DNAH6: variants seen among roughly 807,000 people sequenced by gnomAD.
The protein encoded by DNAH6 is dynein axonemal heavy chain 6.
In DNAH6, 340 loss-of-function variants were observed where a neutral mutation model predicts 491.4. The ratio of observed to expected loss-of-function variants is 0.69; its 90% CI spans 0.63 to 0.76. The LOEUF (loss-of-function observed/expected upper bound fraction) is 0.76, where lower values mean the gene tolerates loss of function less well. DNAH6 is among the 30% of genes least tolerant of loss of function. The pLI is 0.00. For synonymous variants in DNAH6, 1,603 were observed against 1,686.1 expected, an observed-to-expected ratio of 0.95 and a Z score of 1.21; for missense variants, 4,443 against 4,972.2, an observed-to-expected ratio of 0.89 and a Z score of 3.20.
chr2:84,678,118 T>G (rs1477149782), intron 41 of DNAH6, among the ~76,000 whole-genome samples: 1 of 152,212 alleles, frequency 6.6e-6, no homozygotes, highest in East Asian at 1.9e-4. Flanking sequence ...TTTCTGTTTG[T>G]ATTGAAATAG....
Position 84,814,002 on chromosome 2 carries a change from T to C in DNAH6, c.12030T>C (p.Asn4010=). ...GTLQNHARKY[N]LPIDELSFKY... ...TTCAAAATCATGCTCGAAAATACAA[T>C]TTGCCTATAGATGAGCTGAGTTTCA... The change falls in exon 75 of 77, where the codon AAT becomes AAC. Residue 4010 remains asparagine (N), a synonymous_variant. Coordinates refer to ENST00000389394, the MANE Select transcript of DNAH6 (RefSeq NM_001370.2). 6.4e-7 allele frequency: 1 copy of C among 1,551,706 alleles called. No homozygotes were observed.
At chr2:84,498,502 T>A in the DNAH6 span, among the ~76,000 whole-genome samples, 1 of 149,834 alleles carries the variant, frequency 6.7e-6, no homozygotes, top group African/African-American at 2.4e-5. Context: ...CCTGCTCAAG[T>A]AAAAAAAAAA....
chr2:84,621,440 T>C lies in DNAH6; in HGVS notation c.3960T>C (p.Val1320=), dbSNP rs577123046. 5.3e-5 allele frequency: 82 copies of C among 1,541,050 alleles called. No homozygotes were observed. In the Middle Eastern group the frequency reaches 8.5e-4, roughly 16 times the overall value. ...TTAAGAAACATGTTTTCTTGCAGGTTATCCTGACTGTTTCTCAAATTATGT... is the reference window on the plus strand; with the variant it reads ...TTAAGAAACATGTTTTCTTGCAGGTCATCCTGACTGTTTCTCAAATTATGT... ...DWVVAGHPSQ[V]ILTVSQIMWC... is the part of the protein sequence containing the mutation. Residue 1320 remains valine, a splice_region_variant and synonymous_variant, in exon 26 of 77, where the codon GTT becomes GTC. Transcript: ENST00000389394.
At position 84,772,650 on chromosome 2, in the gene DNAH6, T is replaced by G. The variant is rs560991131; in HGVS notation, c.10704-8843T>G. Among the ~76,000 whole-genome samples, 4 of 152,112 alleles carry G rather than the reference T, an allele frequency of 2.6e-5. No individual in the cohort carries two copies. In the South Asian group the frequency reaches 8.3e-4, roughly 32 times the overall value. On this transcript the variant is annotated intron_variant, in intron 64 of 76. Transcript: ENST00000389394. ...CAACCAAGTCCCAAAATATATAAAT[T>G]AAAAACTGACAGAATTGAAGGCAGA...
intron 69 of DNAH6, among the ~76,000 whole-genome samples, chr2:84,797,057 A>T (rs1407025264): frequency 1.4e-5 from 2 of 139,786 alleles, no homozygotes; most frequent in Non-Finnish European, 3.0e-5. Context: ...CATCAGTCAG[A>T]GCTGGATTCA....
Position 84,624,970 on chromosome 2 carries a change from T to C in DNAH6, c.4422T>C (p.Ala1474=), listed in dbSNP as rs1687724546. 1.3e-6 allele frequency: 2 copies of C among 1,551,724 alleles called. No individual in the cohort carries two copies. The highest frequency in any genetic ancestry group is 1.7e-6 in the Non-Finnish European group (2 of 1,146,944). Residue 1474 remains alanine (A), a synonymous_variant, in exon 29 of 77, where the codon GCT becomes GCC. Transcript: ENST00000389394. ...TTGGGGGTGCACCAGCTGGTCCTGC[T>C]GGCACTGGGAAAACAGAGACTACCA... ...LDLGGAPAGP[A]GTGKTETTKD...
At chr2:84,550,704 G>A (rs1351932237) in intron 9 of DNAH6, among the ~76,000 whole-genome samples, 1 of 152,058 alleles carries the variant, frequency 6.6e-6, no homozygotes, top group Non-Finnish European at 1.5e-5. Context: ...GCTGGATGTC[G>A]AATATATAGT....
At chr2:84,632,241 G>C (rs1688475770) in intron 29 of DNAH6, among the ~76,000 whole-genome samples, 1 of 152,182 alleles carries the variant, frequency 6.6e-6, no homozygotes, top group South Asian at 2.1e-4. Context: ...ATGCACCACA[G>C]TAAGATCTGG....
chr2:84,722,514 C>A, intron 59 of DNAH6, 111 bp from the exon 60 acceptor site: 1 of 906,442 alleles, frequency 1.1e-6, no homozygotes, highest in South Asian at 1.9e-5. Flanking sequence ...ATTATAATCA[C>A]CAACTCATTC....
At position 84,653,810 on chromosome 2, in the gene DNAH6, A is replaced by C; in HGVS notation, c.5570A>C (p.Lys1857Thr). Residue 1857 changes from lysine to threonine, a missense_variant, in exon 34 of 77, where the codon AAG becomes ACG. Physicochemically the swap from Lys to Thr is moderately conservative, Grantham distance 78 (BLOSUM62 -1). Around this residue, in one of 3 missense-constraint regions of DNAH6, gnomAD observed 2,977 missense variants for 3,296.6 expected, o/e 0.90. Coordinates refer to ENST00000389394, the MANE Select transcript of DNAH6 (RefSeq NM_001370.2). ...ATGAATACAGTGCTGGATGATAACA[A>C]GATGCTTTGCCTGGCTAACAGTGAG... ...ENMNTVLDDN[K>T]MLCLANSERI... 1 of 1,551,522 alleles carries C rather than the reference A, an allele frequency of 6.4e-7. No homozygotes were observed. Among genetic ancestry groups the C allele is most frequent in the Non-Finnish European group, 8.7e-7 (1 of 1,146,702 alleles).
At chr2:84,742,004 T>G (rs1420730928) in intron 62 of DNAH6, among the ~76,000 whole-genome samples, 1 of 152,206 alleles carries the variant, frequency 6.6e-6, no homozygotes, top group African/African-American at 2.4e-5. Context: ...CAAGCTAACT[T>G]GAACCCTCTC....
chr2:84,625,447 T>A (rs1304611512), intron 29 of DNAH6, among the ~76,000 whole-genome samples: 1 of 151,896 alleles, frequency 6.6e-6, no homozygotes, highest in Non-Finnish European at 1.5e-5. Context: ...ATGTGGGAGG[T>A]GAGAATTCAT....
intron 46 of DNAH6, 123 bp from the exon 47 acceptor site, chr2:84,697,452 A>T: frequency 9.1e-7 from 1 of 1,100,444 alleles, no homozygotes; most frequent in South Asian, 1.8e-5. Context: ...GTTCCATGAA[A>T]TTTTTAAGAT....
intron 30 of DNAH6, among the ~76,000 whole-genome samples, chr2:84,636,438 G>A: frequency 6.6e-6 from 1 of 152,158 alleles, no homozygotes; most frequent in East Asian, 1.9e-4. Flanking sequence ...ACTGTAGTAT[G>A]TGTTGCACTG....
chr2:84,785,515 ATC>A, intron 66 of DNAH6, 93 bp from the exon 67 acceptor site: 1 of 1,259,838 alleles, frequency 7.9e-7, no homozygotes, highest in Non-Finnish European at 1.1e-6. Flanking sequence ...AGCAATCTAC[ATC>A]ATTTCAATGG....
In DNAH6 at chr2:84,781,503, A is replaced by G. The variant is rs774453278; in HGVS notation, c.10714A>G (p.Ile3572Val). 1.9e-5 allele frequency: 30 copies of G among 1,549,578 alleles called. No individual in the cohort carries two copies. The highest frequency in any genetic ancestry group is 8.2e-5 in the African/African-American group (6 of 73,006). Residue 3572 changes from isoleucine to valine, a missense_variant, in exon 65 of 77, where the codon ATT becomes GTT. Transcript: ENST00000389394. ...TGCTGTTCAATTCAGGGTGCAGTCA[A>G]TTTCACTGGGGCAAGGACAAGGACC... ...ESGYSERVQS[I>V]SLGQGQGPIA... is the part of the protein sequence containing the mutation.
intron 62 of DNAH6, among the ~76,000 whole-genome samples, chr2:84,739,598 CA>C (rs1175393748): frequency 6.6e-6 from 1 of 152,144 alleles, no homozygotes; most frequent in Non-Finnish European, 1.5e-5. Flanking sequence ...GATTGGTCTT[CA>C]AGTTCTGAAA....
Position 84,611,864 on chromosome 2 carries a change from A to G in DNAH6, c.3475+10A>G. On this transcript the variant is annotated intron_variant, in intron 22 of 76. Transcript: ENST00000389394. ...GCCGCTACTCAGCCAGGTATGAAACAAAATTCCAAACAAGCAAAAAGACTA... is the reference window on the plus strand; with the variant it reads ...GCCGCTACTCAGCCAGGTATGAAACGAAATTCCAAACAAGCAAAAAGACTA... 6.5e-7 allele frequency: 1 copy of G among 1,548,122 alleles called. No individual in the cohort carries two copies. The highest frequency in any genetic ancestry group is 8.7e-7 in the Non-Finnish European group (1 of 1,145,156).
intron 63 of DNAH6, among the ~76,000 whole-genome samples, chr2:84,751,544 C>T (rs1673475688): frequency 6.6e-6 from 1 of 152,196 alleles, no homozygotes; most frequent in African/African-American, 2.4e-5. Flanking sequence ...CTCATTAGAA[C>T]TGCAACAGGA....
Sources: gnomAD v4.1 joint callset for allele counts (sites outside exome capture counted in the v4.1 genomes callset) on GRCh38, gnomAD v4.1.1 for gene constraint, gnomAD v4.1.1 regional missense constraint, MANE v1.5 for transcripts, NCBI Gene and HGNC (gene_info 2026-07-23, HGNC 2026-07-21) for gene names.